SPMIP4: variants seen among roughly 807,000 people sequenced by gnomAD.
SPMIP4 encodes sperm-associated microtubule inner protein 4.
chr7:25,132,764 C>A, the SPMIP4 span, among the ~76,000 whole-genome samples: 1 of 152,128 alleles, frequency 6.6e-6, no homozygotes, highest in Non-Finnish European at 1.5e-5. This position sits in a 1 kb window ranked among gnomAD's most constrained non-coding sequence, Gnocchi z 5.0. Context: ...TCTAGTCTTT[C>A]TAGATGTTAA....
chr7:25,134,392 A>C, the SPMIP4 span, among the ~76,000 whole-genome samples: 1 of 152,064 alleles, frequency 6.6e-6, no homozygotes, highest in African/African-American at 2.4e-5. Context: ...ACACAAAACA[A>C]AAAAATTGAG....
the SPMIP4 span, chr7:25,155,300 C>G: frequency 2.3e-6 from 2 of 880,672 alleles, no homozygotes; most frequent in East Asian, 5.5e-5. Context: ...ATGGCAGAAA[C>G]TGTTCTAATG....
At chr7:25,154,020 A>T in the SPMIP4 span, among the ~76,000 whole-genome samples, 1 of 152,208 alleles carries the variant, frequency 6.6e-6, no homozygotes, top group Admixed American at 6.5e-5. Flanking sequence ...CATTTTGCAG[A>T]CTGCGAAGCA....
chr7:25,142,834 A>T, the SPMIP4 span: 1 of 1,480,796 alleles, frequency 6.8e-7, no homozygotes, highest in African/African-American at 1.5e-5. Flanking sequence ...GAACATAAAG[A>T]TTACTGCTGT....
chr7:25,172,292 T>C, the SPMIP4 span, among the ~76,000 whole-genome samples: 5 of 152,212 alleles, frequency 3.3e-5, no homozygotes, highest in South Asian at 2.1e-4. This position sits in a 1 kb window ranked among gnomAD's most constrained non-coding sequence, Gnocchi z 4.2. Flanking sequence ...CTTGTTTGTT[T>C]GCTCTTGAAA....
chr7:25,164,341 T>C, the SPMIP4 span, among the ~76,000 whole-genome samples: 2 of 152,166 alleles, frequency 1.3e-5, no homozygotes, highest in African/African-American at 2.4e-5. Flanking sequence ...TTGGGCAGGA[T>C]GACTGATCCT....
the SPMIP4 span, among the ~76,000 whole-genome samples, chr7:25,161,419 T>C: frequency 6.6e-6 from 1 of 151,956 alleles, no homozygotes. Flanking sequence ...TTATAATAAA[T>C]AGAGACGAGG....
chr7:25,139,458 G>C, the SPMIP4 span, among the ~76,000 whole-genome samples: 39 of 151,676 alleles, frequency 2.6e-4, no homozygotes, highest in African/African-American at 9.2e-4. Context: ...ATATGTTAAA[G>C]TAAAAAAACT....
the SPMIP4 span, among the ~76,000 whole-genome samples, chr7:25,159,467 T>C: frequency 7.8e-3 from 1,182 of 152,348 alleles, 5 homozygotes; most frequent in Middle Eastern, 0.024. Flanking sequence ...TCCACCTACA[T>C]TGGATTTCAA....
the SPMIP4 span, among the ~76,000 whole-genome samples, chr7:25,177,010 G>T: frequency 6.6e-6 from 1 of 152,268 alleles, no homozygotes; most frequent in East Asian, 1.9e-4. Context: ...AGGGCTGCTA[G>T]CATGGGATGA....
chr7:25,170,850 T>C, the SPMIP4 span, among the ~76,000 whole-genome samples: 50 of 152,322 alleles, frequency 3.3e-4, no homozygotes, highest in African/African-American at 1.2e-3. Context: ...ATGGAGAGTA[T>C]TGTAAAGGAA....
At chr7:25,136,493 T>C in the SPMIP4 span, 22 of 1,614,202 alleles carry the variant, frequency 1.4e-5, no homozygotes, top group African/African-American at 2.4e-4. This position sits in a 1 kb window ranked among gnomAD's most constrained non-coding sequence, Gnocchi z 5.7. Context: ...GTTAGGTCTT[T>C]TGTTGGGTAA....
the SPMIP4 span, among the ~76,000 whole-genome samples, chr7:25,130,587 TA>T: frequency 6.6e-6 from 1 of 152,194 alleles, no homozygotes; most frequent in Non-Finnish European, 1.5e-5. Context: ...GTGCTGGGAT[TA>T]TAGGTGTGAG....
chr7:25,169,029 T>G, the SPMIP4 span, among the ~76,000 whole-genome samples: 426 of 149,550 alleles, frequency 2.8e-3, no homozygotes, highest in African/African-American at 9.9e-3. Context: ...CATCTGCCCA[T>G]GTGTTTATTT....
the SPMIP4 span, among the ~76,000 whole-genome samples, chr7:25,137,724 C>T: frequency 6.6e-6 from 1 of 152,136 alleles, no homozygotes; most frequent in South Asian, 2.1e-4. Flanking sequence ...ATAAGAACAC[C>T]AGTTAGATTG....
the SPMIP4 span, among the ~76,000 whole-genome samples, chr7:25,153,047 G>C: frequency 6.6e-6 from 1 of 151,972 alleles, no homozygotes; most frequent in East Asian, 1.9e-4. Flanking sequence ...CCTGGCCCAT[G>C]CTTCTTAGTT....
the SPMIP4 span, among the ~76,000 whole-genome samples, chr7:25,167,405 A>G: frequency 3.0e-3 from 455 of 152,374 alleles, 2 homozygotes; most frequent in African/African-American, 0.011. Flanking sequence ...CAGTTCCATG[A>G]GAGCGTGGGC....
the SPMIP4 span, chr7:25,151,538 G>T: frequency 9.3e-7 from 1 of 1,076,922 alleles, no homozygotes. Flanking sequence ...TTTTATAAAG[G>T]TATTGACTAA....
At chr7:25,158,392 ACGTTTTCATGGG>A in the SPMIP4 span, 4 of 744,162 alleles carry the variant, frequency 5.4e-6, no homozygotes, top group South Asian at 1.6e-5. Flanking sequence ...AAAAAAAGAA[ACGTTTTCATGGG>A]AAGTCTCACT....
Sources: gnomAD v4.1 joint callset for allele counts (sites outside exome capture counted in the v4.1 genomes callset) on GRCh38, gnomAD v4.1.1 for gene constraint, Gnocchi (gnomAD v3.1) non-coding constraint, MANE v1.5 for transcripts, NCBI Gene and HGNC (gene_info 2026-07-23, HGNC 2026-07-21) for gene names.